NRK: variants seen among roughly 807,000 people sequenced by gnomAD.
NRK encodes the protein Nik related kinase.
A neutral mutation model predicts 125.2 loss-of-function variants in NRK; 67 were observed. The observed-to-expected ratio is 0.54, with a 90% CI of 0.44 to 0.66. NRK has a LOEUF of 0.66. Ranked by LOEUF, NRK falls within the 30% of genes least tolerant of loss-of-function variation. The probability of loss-of-function intolerance (pLI) is 0.00; values close to 1 mark genes in which losing one functional copy is unlikely to be tolerated. For synonymous variants in NRK, 458 were observed against 429.0 expected (o/e 1.07, Z -0.84); for missense variants, 1,224 against 1,192.9 (o/e 1.03, Z -0.38).
chrX:105,827,056 A>G (rs1372273386), intron 1 of NRK, among the ~76,000 whole-genome samples: 1 of 111,541 alleles, frequency 9.0e-6, no homozygotes, highest in Non-Finnish European at 1.9e-5. Context: ...TACCCAGATG[A>G]TTCTCACGTA....
chrX:105,882,259 C>A (rs750548875), intron 4 of NRK, among the ~76,000 whole-genome samples: 1 of 109,796 alleles, frequency 9.1e-6, no homozygotes, highest in South Asian at 4.0e-4. Context: ...CCCACCCCCC[C>A]GCTTTTTGTA....
At chrX:105,845,123 G>A (rs366955) in intron 2 of NRK, among the ~76,000 whole-genome samples, 22,547 of 110,924 alleles carry the variant, frequency 0.2, 1,684 homozygotes, top group Middle Eastern at 0.31. Flanking sequence ...AGTTTCTAAT[G>A]ATGCCACTTG....
At chrX:105,892,131 T>G (rs2040023605) in intron 5 of NRK, among the ~76,000 whole-genome samples, 1 of 111,719 alleles carries the variant, frequency 9.0e-6, no homozygotes, top group African/African-American at 3.3e-5. Flanking sequence ...TGAATAGACA[T>G]GCTCCTGACC....
In NRK at chrX:105,922,679, A is replaced by G. The variant is rs564436173; in HGVS notation, c.2611-439A>G. Among the ~76,000 whole-genome samples, 77 of 111,802 alleles carry G rather than the reference A, an allele frequency of 6.9e-4. No individual in the cohort carries two copies. The South Asian group carries it at 0.028, about 41-fold the overall frequency. On this transcript the variant is annotated intron_variant, in intron 17 of 28. Coordinates refer to ENST00000243300, the MANE Select transcript of NRK (RefSeq NM_198465.4). ...GATTTAGATTAATTTGCACTTTGGA[A>G]GTGTTTGAGATACTTTAAGACAACC... is the stretch of plus-strand genomic sequence containing the variant.
chrX:105,905,266 T>G lies in NRK; in HGVS notation c.768T>G (p.Pro256=), dbSNP rs1345433289. 2 of 1,201,177 alleles carry G rather than the reference T, an allele frequency of 1.7e-6. No individual in the cohort carries two copies. Among genetic ancestry groups the G allele is most frequent in the Admixed American group, 4.4e-5 (2 of 45,907 alleles). ...TAIEMAEGAP[P]LCNLQPLEAL... ...AAATTTATCTATTTCCCTTTGCAGC[T>G]CTGTGTAACCTTCAACCCTTGGAAG... is the stretch of plus-strand genomic sequence containing the variant. The change falls in exon 10 of 29, where the codon CCT becomes CCG. Residue 256 remains proline, a splice_region_variant and synonymous_variant. Coordinates refer to ENST00000243300, the MANE Select transcript of NRK (RefSeq NM_198465.4).
intron 2 of NRK, among the ~76,000 whole-genome samples, chrX:105,868,752 TA>T (rs887850249): frequency 1.7e-4 from 15 of 90,413 alleles, no homozygotes; most frequent in Non-Finnish European, 3.0e-4. Flanking sequence ...CACACAACTG[TA>T]AGGGATATAT....
intron 14 of NRK, among the ~76,000 whole-genome samples, chrX:105,914,360 CTT>C (rs1378737677): frequency 9.0e-6 from 1 of 110,824 alleles, no homozygotes; most frequent in Non-Finnish European, 1.9e-5. Flanking sequence ...TATTAAATGA[CTT>C]TACTCAAACT....
In NRK at chrX:105,908,879, C is replaced by T. The variant is rs372847875; in HGVS notation, c.1238C>T (p.Ala413Val). ...GCACTTCAGCAGCTACAGGGAGCAG[C>T]CAGGGTATTCATGCCACTGCAGGCT... is the stretch of plus-strand genomic sequence containing the variant. Reference protein sequence around the residue: ...VQALQQLQGAARVFMPLQALD... With the variant: ...VQALQQLQGAVRVFMPLQALD... The change falls in exon 13 of 29, where the codon GCC becomes GTC. Residue 413 changes from alanine to valine, a missense_variant. Physicochemically the swap from Ala to Val is moderately conservative, Grantham distance 64 (BLOSUM62 0). Transcript: ENST00000243300. 2 of 1,208,546 alleles carry T rather than the reference C, an allele frequency of 1.7e-6. No individual in the cohort carries two copies. Among genetic ancestry groups the T allele is most frequent in the African/African-American group, 3.5e-5 (2 of 56,973 alleles).
At chrX:105,869,327 C>G (rs1404638579) in intron 2 of NRK, among the ~76,000 whole-genome samples, 2 of 111,653 alleles carry the variant, frequency 1.8e-5, no homozygotes, top group Non-Finnish European at 3.8e-5. Flanking sequence ...TTTGTTCTCT[C>G]ATGTCTATGT....
chrX:105,874,478 A>C lies in NRK; in HGVS notation c.124-5721A>C, dbSNP rs16984864. On this transcript the variant is annotated intron_variant, in intron 2 of 28. Transcript: ENST00000243300. ...TTGATTCTGGGTCCCCAGTGTAAAA[A>C]TTGACCTTGCTTCATTACTTTTGAG... Among the ~76,000 whole-genome samples, 572 of 111,971 alleles carry C rather than the reference A, an allele frequency of 5.1e-3. 4 individuals carry two copies. The highest frequency in any genetic ancestry group is 0.018 in the African/African-American group (546 of 30,874).
intron 19 of NRK, among the ~76,000 whole-genome samples, chrX:105,933,250 A>G (rs1380732618): frequency 1.8e-5 from 2 of 111,285 alleles, no homozygotes; most frequent in Non-Finnish European, 3.8e-5. Context: ...ATGTCCCAAC[A>G]TAAGTTTCAT....
chrX:105,923,921 A>G (rs2040488607), intron 18 of NRK, among the ~76,000 whole-genome samples: 1 of 91,455 alleles, frequency 1.1e-5, no homozygotes, highest in African/African-American at 4.4e-5. Flanking sequence ...ATATATATAT[A>G]TATATGTGAA....
chrX:105,860,861 C>T (rs1569294693), intron 2 of NRK, among the ~76,000 whole-genome samples: 2 of 110,876 alleles, frequency 1.8e-5, no homozygotes. Flanking sequence ...TTTGCTTATC[C>T]ATTCATTCAT....
intron 12 of NRK, 77 bp downstream of exon 12, chrX:105,908,380 G>C (rs1457754819): frequency 2.0e-6 from 1 of 501,534 alleles, no homozygotes. Flanking sequence ...TGTTGCCTTT[G>C]GTTCAGAAAG....
chrX:105,917,730 A>G, intron 16 of NRK, 58 bp downstream of exon 16: 7 of 576,572 alleles, frequency 1.2e-5, no homozygotes, highest in Non-Finnish European at 1.9e-5. Flanking sequence ...TTAACAATTT[A>G]TATTTCAGAA....
chrX:105,849,238 AC>A (rs2039439464), intron 2 of NRK, among the ~76,000 whole-genome samples: 1 of 111,665 alleles, frequency 9.0e-6, no homozygotes, highest in Non-Finnish European at 1.9e-5. Flanking sequence ...ACCTGGATAA[AC>A]CCATCAGCTC....
rs1016337703 is a variant in NRK at position 105,915,727 on chromosome X, A to C, written c.2350-3A>C. On this transcript the variant is annotated splice_region_variant and splice_polypyrimidine_tract_variant and intron_variant, in intron 14 of 28. Coordinates refer to ENST00000243300, the MANE Select transcript of NRK (RefSeq NM_198465.4). ...TACTGAAGTATTGCATTGTGTCTTT[A>C]AGGTTCAAGAGAGATCTCCTTCTGT... 2 of 1,097,585 alleles carry C rather than the reference A, an allele frequency of 1.8e-6. No individual in the cohort carries two copies. Among genetic ancestry groups the C allele is most frequent in the Non-Finnish European group, 2.5e-6 (2 of 798,242 alleles). The allele number at this position is 1,097,585 out of a possible 1,213,427, so 90.5% of individuals were successfully genotyped here. A position where few individuals can be genotyped will look rare whatever the true frequency, so the allele number is the denominator to read the frequency against.
chrX:105,840,855 G>A (rs763369502), intron 2 of NRK, among the ~76,000 whole-genome samples: 80 of 99,899 alleles, frequency 8.0e-4, no homozygotes, highest in South Asian at 2.4e-3. Context: ...GTGTGTGTGT[G>A]TATATATATA....
At chrX:105,942,247 A>G (rs1466336800) in intron 23 of NRK, among the ~76,000 whole-genome samples, 1 of 112,014 alleles carries the variant, frequency 8.9e-6, no homozygotes, top group Non-Finnish European at 1.9e-5. Flanking sequence ...GCTACTACAA[A>G]CATTTCATAC....
Sources: gnomAD v4.1 joint callset for allele counts (sites outside exome capture counted in the v4.1 genomes callset) on GRCh38, gnomAD v4.1.1 for gene constraint, MANE v1.5 for transcripts, NCBI Gene and HGNC (gene_info 2026-07-23, HGNC 2026-07-21) for gene names.